Variants in KIRREL3 observed in about 807,000 individuals in gnomAD.
KIRREL3 encodes kirre like nephrin family adhesion molecule 3, also known as kin of IRRE-like protein 3.
KIRREL3 carries 36 observed loss-of-function variants against 89.7 expected under a neutral mutation model. That is an observed-to-expected ratio of 0.40 (90% confidence interval 0.31 to 0.53). KIRREL3 has a LOEUF of 0.53. KIRREL3 is among the 20% of genes least tolerant of loss of function. KIRREL3 has a pLI of 0.49. For synonymous variants in KIRREL3, 445 were observed against 441.4 expected, an observed-to-expected ratio of 1.01 and a Z score of -0.10; for missense variants, 864 against 1,056.6, an observed-to-expected ratio of 0.82 and a Z score of 2.53.
rs948123 is a variant in KIRREL3 at position 126,905,277 on chromosome 11, C to T, written c.55+95178G>A. On this transcript the variant is annotated intron_variant, in intron 1 of 16. Transcript: ENST00000525144. This position sits in a 1 kb window ranked among gnomAD's most constrained non-coding sequence, Gnocchi z 5.0. ...TATTTTTTAGTGAAGGAGATGCTTCCGGGGGGAGCTGCAAGCTGAGGGGCT... is the reference window on the plus strand; with the variant it reads ...TATTTTTTAGTGAAGGAGATGCTTCTGGGGGGAGCTGCAAGCTGAGGGGCT... Among the ~76,000 whole-genome samples, 79,798 of 151,738 alleles carry T rather than the reference C, an allele frequency of 0.53. 21,439 individuals carry two copies. The highest frequency in any genetic ancestry group is 0.63 in the African/African-American group (25,910 of 41,356).
rs777991044 is a variant in KIRREL3, at chr11:126,436,954, A to T, written c.1409T>A (p.Val470Glu). The T allele has an allele frequency of 1.1e-5, 18 of 1,606,762 alleles. No homozygotes were observed. The highest frequency in any genetic ancestry group is 1.4e-5 in the Non-Finnish European group (17 of 1,175,908). Residue 470 changes from valine to glutamate, a missense_variant, in exon 12 of 17, where the codon GTG becomes GAG. By Grantham distance (121) the Val-to-Glu change is moderately radical. Transcript: ENST00000525144. ...LESGTSGRYTVETISTEEGVI... is the reference protein window; with the variant it reads ...LESGTSGRYTEETISTEEGVI... ...GCCCTCCTCGGTGCTGATGGTCTCC[A>T]CCGTATAGCGCCCCGATGTGCCCGA...
chr11:126,824,130 C>A (rs1253109314), intron 1 of KIRREL3, among the ~76,000 whole-genome samples: 1 of 152,166 alleles, frequency 6.6e-6, no homozygotes, highest in Non-Finnish European at 1.5e-5. Flanking sequence ...GCGTGGCTCG[C>A]CCATGGGGAC....
rs1413999816 is a variant in KIRREL3, at chr11:126,805,588, G to A, written c.55+194867C>T. ...ATTAATTAATGAATAAATTAAACAA[G>A]GCTTTTCCACTCTATCATCTTGTCA... On this transcript the variant is annotated intron_variant, in intron 1 of 16. Transcript: ENST00000525144. The surrounding 1 kb of genome is among the most constrained non-coding windows in gnomAD (Gnocchi z 4.3). Among the ~76,000 whole-genome samples the A allele has an allele frequency of 1.3e-5, 2 of 152,110 alleles. No individual in the cohort carries two copies. The highest frequency in any genetic ancestry group is 2.9e-5 in the Non-Finnish European group (2 of 68,026).
rs555654958 is a variant in KIRREL3 at position 126,879,128 on chromosome 11, A to C, written c.55+121327T>G. Among the ~76,000 whole-genome samples the C allele has an allele frequency of 2.3e-4, 35 of 152,324 alleles. No individual in the cohort carries two copies. Among genetic ancestry groups the C allele is most frequent in the Non-Finnish European group, 1.6e-4 (11 of 68,030 alleles). On this transcript the variant is annotated intron_variant, in intron 1 of 16. Coordinates refer to ENST00000525144, the MANE Select transcript of KIRREL3 (RefSeq NM_032531.4). The surrounding 1 kb of genome is among the most constrained non-coding windows in gnomAD (Gnocchi z 5.4). ...TCCCATCACTGACAGCAAAGGGAGG[A>C]AATAGTCTGAGTCCAGCTAAATGTA...
intron 1 of KIRREL3, among the ~76,000 whole-genome samples, chr11:126,644,579 G>A (rs1197453410): frequency 6.6e-6 from 1 of 152,164 alleles, no homozygotes; most frequent in African/African-American, 2.4e-5. Flanking sequence ...GTTGGGGGTG[G>A]GGGCTGAAAG....
At chr11:126,730,734 T>C (rs554480027) in intron 1 of KIRREL3, among the ~76,000 whole-genome samples, 2 of 152,212 alleles carry the variant, frequency 1.3e-5, no homozygotes, top group Admixed American at 6.5e-5. Context: ...GCAATACTTT[T>C]CTTTTTCTTT....
chr11:126,991,231 A>C lies in KIRREL3; in HGVS notation c.55+9224T>G, dbSNP rs1324702595. On this transcript the variant is annotated intron_variant, in intron 1 of 16. Coordinates refer to ENST00000525144, the MANE Select transcript of KIRREL3 (RefSeq NM_032531.4). This position sits in a 1 kb window ranked among gnomAD's most constrained non-coding sequence, Gnocchi z 5.8. ...TTCCTGCAGGGCACGTCCACACTTCACTTAGTCAGGTTCTTCTTCTGCCTC... is the reference window on the plus strand; with the variant it reads ...TTCCTGCAGGGCACGTCCACACTTCCCTTAGTCAGGTTCTTCTTCTGCCTC... Among the ~76,000 whole-genome samples the C allele has an allele frequency of 2.0e-5, 3 of 152,004 alleles. No individual in the cohort carries two copies. Among genetic ancestry groups the C allele is most frequent in the Non-Finnish European group, 4.4e-5 (3 of 67,988 alleles).
rs1565468381 is a variant in KIRREL3 at position 126,455,631 on chromosome 11, A to AT, written c.848+717_848+718insA. ...GTGAAACGCTGTCTCTACTAAAAAT[A>AT]CAAAAAAAAAAAAAAATTAGCTGGC... is the stretch of plus-strand genomic sequence containing the variant. On this transcript the variant is annotated intron_variant, in intron 7 of 16. Transcript: ENST00000525144. This position sits in a 1 kb window ranked among gnomAD's most constrained non-coding sequence, Gnocchi z 6.4. Among the ~76,000 whole-genome samples the AT allele has an allele frequency of 3.4e-4, 33 of 97,248 alleles. No homozygotes were observed. The highest frequency in any genetic ancestry group is 1.3e-3 in the African/African-American group (33 of 25,910). 63.8% of individuals were successfully genotyped at this position (97,248 alleles called of 152,430 possible).
intron 12 of KIRREL3, among the ~76,000 whole-genome samples, chr11:126,436,532 G>A (rs34589323): frequency 0.27 from 41,261 of 152,276 alleles, 5,917 homozygotes; most frequent in Admixed American, 0.34. Context: ...GCTCACTGTT[G>A]TGGTCACCTC....
At chr11:126,889,573 C>G (rs1945830302) in intron 1 of KIRREL3, among the ~76,000 whole-genome samples, 1 of 152,198 alleles carries the variant, frequency 6.6e-6, no homozygotes, top group African/African-American at 2.4e-5. Flanking sequence ...CCACTCAAGT[C>G]TTGTTTCTCA....
rs192944066 is a variant in KIRREL3 at position 126,642,627 on chromosome 11, G to T, written c.56-79715C>A. Among the ~76,000 whole-genome samples, 48 of 152,328 alleles carry T rather than the reference G, an allele frequency of 3.2e-4. No homozygotes were observed. The highest frequency in any genetic ancestry group is 1.1e-3 in the African/African-American group (47 of 41,574). On this transcript the variant is annotated intron_variant, in intron 1 of 16. Coordinates refer to ENST00000525144, the MANE Select transcript of KIRREL3 (RefSeq NM_032531.4). The surrounding 1 kb of genome is among the most constrained non-coding windows in gnomAD (Gnocchi z 4.9). Reference sequence around the variant, plus strand: ...TAGAAGTAGGCCAAGGAGCAAAGAAGAAGTCCCATAAAGGTCAAGAGCATC... The same window carrying T: ...TAGAAGTAGGCCAAGGAGCAAAGAATAAGTCCCATAAAGGTCAAGAGCATC...
Position 127,000,105 on chromosome 11 carries a change from A to T in KIRREL3, c.55+350T>A, listed in dbSNP as rs538699980. The stretch of plus-strand genomic sequence containing the variant: ...CCCTGGCCTGGGTCTGAAGGAGAGG[A>T]GGTGCCCAGAAGTTCAGAGCGGCAT... On this transcript the variant is annotated intron_variant, in intron 1 of 16. Coordinates refer to ENST00000525144, the MANE Select transcript of KIRREL3 (RefSeq NM_032531.4). This position sits in a 1 kb window ranked among gnomAD's most constrained non-coding sequence, Gnocchi z 7.1. 6.6e-6 allele frequency among the ~76,000 whole-genome samples: 1 copy of T among 152,130 alleles called. No homozygotes were observed. Among genetic ancestry groups the T allele is most frequent in the African/African-American group, 2.4e-5 (1 of 41,508 alleles).
At chr11:126,688,464 ATTTCTTT>A (rs1946750133) in intron 1 of KIRREL3, among the ~76,000 whole-genome samples, 1 of 152,166 alleles carries the variant, frequency 6.6e-6, no homozygotes, top group Non-Finnish European at 1.5e-5. Flanking sequence ...TTGGTTGCCT[ATTTCTTT>A]TTTCTTTTTT....
chr11:126,792,704 G>A (rs2134363885), intron 1 of KIRREL3, among the ~76,000 whole-genome samples: 1 of 152,302 alleles, frequency 6.6e-6, no homozygotes, highest in Middle Eastern at 3.4e-3. Context: ...ATTAACAATG[G>A]TTACAAGTAA....
chr11:126,502,437 A>G (rs543021611), intron 4 of KIRREL3, among the ~76,000 whole-genome samples: 2 of 152,332 alleles, frequency 1.3e-5, no homozygotes, highest in South Asian at 4.1e-4. Flanking sequence ...CTGGGCAGGC[A>G]CACCTCAGAG....
rs576240060 is a variant in KIRREL3 at position 126,475,798 on chromosome 11, C to A, written c.434-2332G>T. Among the ~76,000 whole-genome samples, 19 of 152,342 alleles carry A rather than the reference C, an allele frequency of 1.2e-4. No individual in the cohort carries two copies. The highest frequency in any genetic ancestry group is 4.1e-4 in the South Asian group (2 of 4,832). On this transcript the variant is annotated intron_variant, in intron 4 of 16. Coordinates refer to ENST00000525144, the MANE Select transcript of KIRREL3 (RefSeq NM_032531.4). The surrounding 1 kb of genome is among the most constrained non-coding windows in gnomAD (Gnocchi z 7.5). ...TCCACCAAGTGGGGGTGGGTGCAAC[C>A]ACTTGTGGAGGAGGGGAATTGCATC...
At chr11:126,472,965 G>GC (rs1200567080) in intron 5 of KIRREL3, among the ~76,000 whole-genome samples, 3 of 38,770 alleles carry the variant, frequency 7.7e-5, no homozygotes, top group South Asian at 8.3e-4. Context: ...CTCCCCAGCA[G>GC]CCCCCCACCA....
In KIRREL3 at chr11:126,904,948, A is replaced by T. The variant is rs539110148; in HGVS notation, c.55+95507T>A. ...ACTATCCATGATGGGGATGATGATGATGATGATGATGATGATACAGAAATA... is the reference window on the plus strand; with the variant it reads ...ACTATCCATGATGGGGATGATGATGTTGATGATGATGATGATACAGAAATA... On this transcript the variant is annotated intron_variant, in intron 1 of 16. Coordinates refer to ENST00000525144, the MANE Select transcript of KIRREL3 (RefSeq NM_032531.4). This position sits in a 1 kb window ranked among gnomAD's most constrained non-coding sequence, Gnocchi z 4.4. Among the ~76,000 whole-genome samples, 1 of 152,188 alleles carries T rather than the reference A, an allele frequency of 6.6e-6. No homozygotes were observed. Among genetic ancestry groups the T allele is most frequent in the African/African-American group, 2.4e-5 (1 of 41,514 alleles).
At chr11:126,505,311 T>C (rs896962417) in intron 4 of KIRREL3, among the ~76,000 whole-genome samples, 22 of 152,244 alleles carry the variant, frequency 1.4e-4, no homozygotes, top group Admixed American at 1.2e-3. Flanking sequence ...GGCTCACACT[T>C]GTAATTCCAG....
Sources: gnomAD v4.1 joint callset for allele counts (sites outside exome capture counted in the v4.1 genomes callset) on GRCh38, gnomAD v4.1.1 for gene constraint, Gnocchi (gnomAD v3.1) non-coding constraint, MANE v1.5 for transcripts, NCBI Gene and HGNC (gene_info 2026-07-23, HGNC 2026-07-21) for gene names.